The following ADAMTS10 variants were observed in gnomAD, a reference collection of about 807,000 sequenced individuals.
ADAMTS10 encodes ADAM metallopeptidase with thrombospondin type 1 motif 10, also known as A disintegrin and metalloproteinase with thrombospondin motifs 10.
In ADAMTS10, 48 loss-of-function variants were observed where a neutral mutation model predicts 135.9. The ratio of observed to expected loss-of-function variants is 0.35; its 90% confidence interval spans 0.28 to 0.45. The LOEUF is 0.45. Ranked by LOEUF, ADAMTS10 falls within the 20% of genes least tolerant of loss-of-function variation. The pLI is 1.00. For missense variants in ADAMTS10, 1,131 were observed against 1,565.2 expected, an observed-to-expected ratio of 0.72 and a Z score of 4.68; for synonymous variants, 621 against 647.5, an observed-to-expected ratio of 0.96 and a Z score of 0.62.
chr19:8,590,855 C>T (rs560594701), intron 15 of ADAMTS10, among the ~76,000 whole-genome samples: 2 of 152,320 alleles, frequency 1.3e-5, no homozygotes, highest in East Asian at 3.9e-4. Context: ...CTCAGCCTCC[C>T]AAAGTGCTGG....
chr19:8,589,312 T>C lies in ADAMTS10; in HGVS notation c.2088A>G (p.Arg696=), dbSNP rs376856540. ...LGSDLREDKC[R]VCGGDGSACE... ...AGGCACTGCCGTCACCGCCACACAC[T>C]CGGCACTTGTCCTCCCGCAGGTCGG... The change falls in exon 18 of 26, where the codon CGA becomes CGG. Residue 696 remains arginine (R), a synonymous_variant. Transcript: ENST00000597188. 5 of 1,612,430 alleles carry C rather than the reference T, an allele frequency of 3.1e-6. No homozygotes were observed. The African/African-American group carries it at 5.3e-5, about 17-fold the overall frequency.
intron 20 of ADAMTS10, 40 bp downstream of exon 20, chr19:8,586,518 A>C: frequency 1.2e-6 from 2 of 1,613,206 alleles, no homozygotes; most frequent in South Asian, 2.2e-5. Flanking sequence ...TGGAGTCTCT[A>C]ATTCCAAAGG....
In ADAMTS10 at chr19:8,605,594, C is replaced by A. The variant is rs782324956; in HGVS notation, c.88+29G>T. 6.2e-7 allele frequency: 1 copy of A among 1,609,546 alleles called. No individual in the cohort carries two copies. The highest frequency in any genetic ancestry group is 8.5e-7 in the Non-Finnish European group (1 of 1,178,410). ...TGGTCTCTTACATTTTTCGCTCCCT[C>A]CCCACCGCCACCACCAGACTTCCCC... On this transcript the variant is annotated intron_variant, in intron 3 of 25. Coordinates refer to ENST00000597188, the MANE Select transcript of ADAMTS10 (RefSeq NM_030957.4). The surrounding 1 kb of genome is among the most constrained non-coding windows in gnomAD (Gnocchi z 7.7).
Position 8,582,837 on chromosome 19 carries a change from C to T in ADAMTS10, c.3203-1835G>A, listed in dbSNP as rs142397168. On this transcript the variant is annotated intron_variant, in intron 25 of 25. Coordinates refer to ENST00000597188, the MANE Select transcript of ADAMTS10 (RefSeq NM_030957.4). ...TCTAATTTTTGTATTCTTAGTAGAT[C>T]TGGGGTTTCGCCATGCTGGCCAGGT... The T allele has an allele frequency of 7.0e-3, 1,064 of 152,272 alleles. 41 individuals carry two copies. Among genetic ancestry groups the T allele is most frequent in the Non-Finnish European group, 2.2e-3 (153 of 68,044 alleles). 9.4% of individuals were successfully genotyped at this position (152,272 alleles called of 1,614,324 possible).
intron 5 of ADAMTS10, 27 bp downstream of exon 5, chr19:8,603,701 T>A: frequency 6.2e-7 from 1 of 1,613,916 alleles, no homozygotes; most frequent in African/African-American, 1.3e-5. Flanking sequence ...TGTAGCCCTC[T>A]GCCCATCCCC....
chr19:8,580,660 G>A lies in ADAMTS10; in HGVS notation c.*233C>T. 5 of 527,596 alleles carry A rather than the reference G, an allele frequency of 9.5e-6. No homozygotes were observed. The highest frequency in any genetic ancestry group is 8.0e-5 in the South Asian group (4 of 49,766). 32.7% of individuals were successfully genotyped at this position (527,596 alleles called of 1,614,324 possible). ...CTCCCCAGACCCACCCTGGAGGGGG[G>A]GTCTCACTATGTGAACTGGAAGGGG... On this transcript the variant is annotated 3_prime_UTR_variant, in exon 26 of 26. Coordinates refer to ENST00000597188, the MANE Select transcript of ADAMTS10 (RefSeq NM_030957.4).
rs141329649 is a variant in ADAMTS10, at chr19:8,603,882, G to A, written c.438C>T (p.His146=). The A allele has an allele frequency of 1.4e-4, 222 of 1,606,976 alleles. No homozygotes were observed. The highest frequency in any genetic ancestry group is 5.7e-4 in the Admixed American group (34 of 59,810). The change falls in exon 5 of 26, where the codon CAC becomes CAT. Residue 146 remains histidine, a splice_region_variant and synonymous_variant. Transcript: ENST00000597188. ...CTTCCTCGTCTGCCACGATCAGGCC[G>A]TGCTGGGTTTTGAGAAGTGGGATAG... The part of the protein sequence containing the change: ...HVAISTCGGL[H]GLIVADEEEY...
chr19:8,585,052 G>A lies in ADAMTS10; in HGVS notation c.3045C>T (p.Cys1015=), dbSNP rs2146038308. 1 of 1,520,932 alleles carries A rather than the reference G, an allele frequency of 6.6e-7. No homozygotes were observed. Among genetic ancestry groups the A allele is most frequent in the South Asian group, 1.2e-5 (1 of 83,300 alleles). The allele number at this position is 1,520,932 out of a possible 1,614,324, so 94.2% of individuals were successfully genotyped here. ...GCTGCCCGACGCCGCACTGTGCAGA[G>A]CACTGCGAGGGGGCACCACTCAGTT... ...ARWVAGEWGE[C]SAQCGVGQRQ... Residue 1015 remains cysteine, a splice_region_variant and synonymous_variant, in exon 25 of 26, where the codon TGC becomes TGT. Transcript: ENST00000597188.
intron 16 of ADAMTS10, 130 bp from the exon 17 acceptor site, chr19:8,589,715 G>C (rs1243532381): frequency 1.3e-6 from 2 of 1,488,228 alleles, no homozygotes; most frequent in Non-Finnish European, 1.8e-6. Flanking sequence ...CAGAGGGAGT[G>C]GGGGCTCCCA....
In ADAMTS10 at chr19:8,591,690, T is replaced by C. The variant is rs189486745; in HGVS notation, c.1797+110A>G. 2,307 of 1,317,274 alleles carry C rather than the reference T, an allele frequency of 1.8e-3. 39 individuals are homozygous for C. In the African/African-American group the frequency reaches 0.028, roughly 16 times the overall value. 81.6% of individuals were successfully genotyped at this position (1,317,274 alleles called of 1,614,324 possible). On this transcript the variant is annotated intron_variant, in intron 15 of 25. Coordinates refer to ENST00000597188, the MANE Select transcript of ADAMTS10 (RefSeq NM_030957.4). ...CTCCTGACCTCGTGATCCGCCTGCC[T>C]TGGCCTCCCAAAGTGTTGGGATTAC...
intron 25 of ADAMTS10, among the ~76,000 whole-genome samples, chr19:8,582,254 G>A (rs1388506784): frequency 6.6e-6 from 1 of 152,002 alleles, no homozygotes; most frequent in Non-Finnish European, 1.5e-5. Flanking sequence ...CGGATCATGA[G>A]GTCAGGAGAT....
Position 8,601,193 on chromosome 19 carries a change from C to G in ADAMTS10, c.593-48G>C. The G allele has an allele frequency of 6.3e-7, 1 of 1,593,768 alleles. No individual in the cohort carries two copies. The highest frequency in any genetic ancestry group is 8.5e-7 in the Non-Finnish European group (1 of 1,171,102). ...TAAGCCCTGCCCTGCTGGTGGGACG[C>G]AGAGCTGCCTGACAACTGTCTTGTC... is the stretch of plus-strand genomic sequence containing the variant. On this transcript the variant is annotated intron_variant, in intron 5 of 25. Coordinates refer to ENST00000597188, the MANE Select transcript of ADAMTS10 (RefSeq NM_030957.4). The surrounding 1 kb of genome is among the most constrained non-coding windows in gnomAD (Gnocchi z 4.6).
At chr19:8,603,034 C>A (rs1310282587) in intron 5 of ADAMTS10, among the ~76,000 whole-genome samples, 3 of 152,180 alleles carry the variant, frequency 2.0e-5, no homozygotes, top group Non-Finnish European at 4.4e-5. Context: ...ATCCTCCTAC[C>A]AGTCTGATCG....
At position 8,600,658 on chromosome 19, in the gene ADAMTS10, T is replaced by C. The variant is rs565018729; in HGVS notation, c.810+270A>G. On this transcript the variant is annotated intron_variant, in intron 6 of 25. Transcript: ENST00000597188. ...GGACTACAGGCGCCCGCCACCACAC[T>C]CGGCTAATTTTTTGTATTTTTAGTA... Among the ~76,000 whole-genome samples the C allele has an allele frequency of 4.1e-3, 620 of 151,588 alleles. 1 individual carries two copies. Among genetic ancestry groups the C allele is most frequent in the African/African-American group, 9.0e-3 (371 of 41,314 alleles).
intron 1 of ADAMTS10, among the ~76,000 whole-genome samples, chr19:8,609,908 C>A (rs2042762381): frequency 6.6e-6 from 1 of 152,006 alleles, no homozygotes; most frequent in Admixed American, 6.6e-5. Context: ...CACACTCACA[C>A]ACCCGGAGAC....
intron 13 of ADAMTS10, 86 bp from the exon 14 acceptor site, chr19:8,592,189 C>T (rs782567826): frequency 1.0e-5 from 16 of 1,598,720 alleles, no homozygotes; most frequent in Non-Finnish European, 1.4e-5. Context: ...CAGGCCCCAG[C>T]CAGAGATATC....
intron 12 of ADAMTS10, among the ~76,000 whole-genome samples, chr19:8,595,332 C>T (rs1212986904): frequency 6.6e-6 from 1 of 152,090 alleles, no homozygotes; most frequent in Non-Finnish European, 1.5e-5. Context: ...GACAGGGAGT[C>T]CCTGGAAGGT....
Position 8,580,837 on chromosome 19 carries a change from C to T in ADAMTS10, c.*56G>A. 1 of 1,450,832 alleles carries T rather than the reference C, an allele frequency of 6.9e-7. No homozygotes were observed. The highest frequency in any genetic ancestry group is 9.4e-7 in the Non-Finnish European group (1 of 1,060,630). The allele number at this position is 1,450,832 out of a possible 1,614,324, so 89.9% of individuals were successfully genotyped here. ...CCCGGGGCCCCCTCTGGCCGGCCCG[C>T]TGCAGGGCTGGCGGCGGAGACCCCG... On this transcript the variant is annotated 3_prime_UTR_variant, in exon 26 of 26. Coordinates refer to ENST00000597188, the MANE Select transcript of ADAMTS10 (RefSeq NM_030957.4).
rs782344138 is a variant in ADAMTS10, at chr19:8,589,493, G to A, written c.1993C>T (p.Arg665Cys). Reference protein sequence around the residue: ...AAAVVDGTPCRPDTVDICVSG... With the variant: ...AAAVVDGTPCCPDTVDICVSG... ...ACGCAAATGTCCACCGTGTCTGGAC[G>A]GCAGGGTGTCCCGTCCACCACGGCT... The change falls in exon 17 of 26, where the codon CGT (arginine) becomes TGT (cysteine). Residue 665 changes from arginine (R) to cysteine (C), a missense_variant. Physicochemically the swap from Arg to Cys is radical, Grantham distance 180. Around this residue, in one of 3 missense-constraint regions of ADAMTS10, gnomAD observed 745 missense variants for 1,056.3 expected, o/e 0.71. Transcript: ENST00000597188. 5 of 1,612,482 alleles carry A rather than the reference G, an allele frequency of 3.1e-6. No homozygotes were observed. The highest frequency in any genetic ancestry group is 4.2e-6 in the Non-Finnish European group (5 of 1,179,562).
Sources: gnomAD v4.1 joint callset for allele counts (sites outside exome capture counted in the v4.1 genomes callset) on GRCh38, gnomAD v4.1.1 for gene constraint, gnomAD v4.1.1 regional missense constraint, Gnocchi (gnomAD v3.1) non-coding constraint, MANE v1.5 for transcripts, NCBI Gene and HGNC (gene_info 2026-07-23, HGNC 2026-07-21) for gene names.